RETREG1: variants seen among roughly 807,000 people sequenced by gnomAD.
RETREG1 encodes the protein reticulophagy regulator 1, also known as family with sequence similarity 134 member B.
Under a neutral mutation model 54.8 loss-of-function variants are expected in RETREG1, and 44 were observed. That is an observed-to-expected ratio of 0.80 (90% confidence interval 0.63 to 1.03). The LOEUF (loss-of-function observed/expected upper bound fraction) is 1.03, where lower values mean the gene tolerates loss of function less well. Ranked by LOEUF, RETREG1 falls within the 50% of genes least tolerant of loss-of-function variation. The pLI, the probability that RETREG1 is intolerant of heterozygous loss-of-function variation, is 0.00. For synonymous variants in RETREG1, 217 were observed against 238.5 expected (o/e 0.91, Z 0.83); for missense variants, 554 against 605.1 (o/e 0.92, Z 0.89).
intron 3 of RETREG1, among the ~76,000 whole-genome samples, chr5:16,520,973 GAAA>G (rs1740517308): frequency 6.6e-6 from 1 of 152,108 alleles, no homozygotes; most frequent in African/African-American, 2.4e-5. Flanking sequence ...ATAACTGCAG[GAAA>G]CAGGGCAGGG....
intron 3 of RETREG1, among the ~76,000 whole-genome samples, chr5:16,545,324 T>A (rs1741355723): frequency 6.6e-6 from 1 of 152,156 alleles, no homozygotes; most frequent in African/African-American, 2.4e-5. Context: ...AGATATGCAC[T>A]GTTTGATATG....
rs183068784 is a variant in RETREG1, at chr5:16,614,126, C to T, written c.320+2526G>A. Reference sequence around the variant, plus strand: ...AGGCTGAATGGCTGGCCAATGTTTTCCTCTCCGTCAGTATAAATAAAATGG... The same window carrying T: ...AGGCTGAATGGCTGGCCAATGTTTTTCTCTCCGTCAGTATAAATAAAATGG... On this transcript the variant is annotated intron_variant, in intron 1 of 8. Transcript: ENST00000306320. Among the ~76,000 whole-genome samples the T allele has an allele frequency of 4.5e-3, 692 of 152,284 alleles. 3 individuals are homozygous for T. Among genetic ancestry groups the T allele is most frequent in the African/African-American group, 0.016 (666 of 41,554 alleles).
intron 1 of RETREG1, among the ~76,000 whole-genome samples, chr5:16,582,260 A>G (rs745908631): frequency 7.9e-5 from 12 of 152,230 alleles, no homozygotes; most frequent in Non-Finnish European, 1.8e-4. Context: ...CTATTTCTAT[A>G]TAGTAATGTG....
At position 16,477,707 on chromosome 5, in the gene RETREG1, A is replaced by C; in HGVS notation, c.955T>G (p.Phe319Val). 2 of 1,613,266 alleles carry C rather than the reference A, an allele frequency of 1.2e-6. No individual in the cohort carries two copies. The highest frequency in any genetic ancestry group is 1.7e-6 in the Non-Finnish European group (2 of 1,179,408). Residue 319 changes from phenylalanine to valine, a missense_variant, in exon 8 of 9, where the codon TTC becomes GTC. Phe to Val is a conservative substitution (Grantham distance 50, BLOSUM62 -1). Transcript: ENST00000306320. ...GGAGTGTATCCTTCTGAAAGGTTGA[A>C]GGTCCCATTATCAGTCCAGGATACC... is the stretch of plus-strand genomic sequence containing the variant. The part of the protein sequence containing the change: ...SEVSWTDNGT[F>V]NLSEGYTPQT...
intron 3 of RETREG1, among the ~76,000 whole-genome samples, chr5:16,556,632 A>G (rs1991472): frequency 0.82 from 124,893 of 152,030 alleles, 51,300 homozygotes; most frequent in Middle Eastern, 0.87. Context: ...TGAGTATTAC[A>G]TCATTGATAA....
At chr5:16,513,062 G>A (rs1409348004) in intron 3 of RETREG1, among the ~76,000 whole-genome samples, 1 of 152,160 alleles carries the variant, frequency 6.6e-6, no homozygotes, top group African/African-American at 2.4e-5. Flanking sequence ...GTATATTTGA[G>A]CACTTTGTTT....
chr5:16,531,344 T>C lies in RETREG1; in HGVS notation c.458+34419A>G, dbSNP rs538335677. Among the ~76,000 whole-genome samples, 4 of 152,322 alleles carry C rather than the reference T, an allele frequency of 2.6e-5. 1 individual carries two copies. The South Asian group carries it at 8.3e-4, about 32-fold the overall frequency. On this transcript the variant is annotated intron_variant, in intron 3 of 8. Coordinates refer to ENST00000306320, the MANE Select transcript of RETREG1 (RefSeq NM_001034850.3). ...TCACAGCACAGTTCTAGACTCATCA[T>C]AGATGCTTATTAATGACATAGTTTG...
At chr5:16,552,175 G>A (rs1002006858) in intron 3 of RETREG1, among the ~76,000 whole-genome samples, 7 of 152,188 alleles carry the variant, frequency 4.6e-5, no homozygotes, top group Non-Finnish European at 7.3e-5. Context: ...TGTGGAAGAC[G>A]TTCTTTAGCA....
intron 4 of RETREG1, 24 bp from the exon 5 acceptor site, chr5:16,481,117 G>GGA: frequency 6.6e-7 from 1 of 1,524,470 alleles, no homozygotes; most frequent in Non-Finnish European, 9.1e-7. Flanking sequence ...AAATAACATG[G>GGA]GATAGTTAAG....
intron 4 of RETREG1, among the ~76,000 whole-genome samples, chr5:16,482,776 A>G (rs1738837591): frequency 1.3e-5 from 2 of 152,146 alleles, no homozygotes; most frequent in Admixed American, 6.6e-5. Context: ...AAGTATGTGC[A>G]GCACTCCATG....
intron 3 of RETREG1, among the ~76,000 whole-genome samples, chr5:16,505,915 C>T (rs139852182): frequency 3.9e-5 from 6 of 152,338 alleles, no homozygotes; most frequent in African/African-American, 1.4e-4. Context: ...GGCATTCAGG[C>T]TCACCCTCTC....
At chr5:16,604,963 T>C (rs1367434252) in intron 1 of RETREG1, among the ~76,000 whole-genome samples, 2 of 152,200 alleles carry the variant, frequency 1.3e-5, no homozygotes, top group South Asian at 2.1e-4. Flanking sequence ...TAAACTAATA[T>C]AGTATAGGGG....
intron 5 of RETREG1, among the ~76,000 whole-genome samples, chr5:16,479,973 G>T (rs1356111197): frequency 6.6e-6 from 1 of 151,900 alleles, no homozygotes; most frequent in Non-Finnish European, 1.5e-5. Flanking sequence ...TTTTTGGGTG[G>T]TCATTGATGT....
rs143840560 is a variant in RETREG1, at chr5:16,603,718, C to G, written c.320+12934G>C. 1.7e-3 allele frequency among the ~76,000 whole-genome samples: 255 copies of G among 151,982 alleles called. 1 individual carries two copies. The highest frequency in any genetic ancestry group is 5.9e-3 in the African/African-American group (246 of 41,430). On this transcript the variant is annotated intron_variant, in intron 1 of 8. Transcript: ENST00000306320. The stretch of plus-strand genomic sequence containing the variant: ...CTCCTTCAGCACAACATGTCGGTAC[C>G]CCAAACTCTAGATTCACCTGGGATC...
chr5:16,616,940 T>C lies in RETREG1; in HGVS notation c.32A>G (p.Glu11Gly), dbSNP rs1290549319. ...GGCGGCAGGAGCCGGGCATCCCTCC[T>C]CGGCGTGCTCCGGAGGCGCCGGGCT... Reference protein sequence around the residue: MASPAPPEHAEEGCPAPAAEE... With the variant: MASPAPPEHAGEGCPAPAAEE... The change falls in exon 1 of 9, where the codon GAG becomes GGG. Residue 11 changes from glutamate (E) to glycine (G), a missense_variant. Glu to Gly is a moderately conservative substitution (Grantham distance 98). Around this residue, in one of 4 missense-constraint regions of RETREG1, gnomAD observed 175 missense variants for 142.1 expected, o/e 1.23. Coordinates refer to ENST00000306320, the MANE Select transcript of RETREG1 (RefSeq NM_001034850.3). 15 of 1,460,982 alleles carry C rather than the reference T, an allele frequency of 1.0e-5. No homozygotes were observed. The highest frequency in any genetic ancestry group is 2.4e-4 in the Middle Eastern group (1 of 4,208). The allele number at this position is 1,460,982 out of a possible 1,614,324, so 90.5% of individuals were successfully genotyped here. A position where few individuals can be genotyped will look rare whatever the true frequency, so the allele number is the denominator to read the frequency against.
At chr5:16,563,972 C>T (rs971996962) in intron 3 of RETREG1, among the ~76,000 whole-genome samples, 1 of 152,148 alleles carries the variant, frequency 6.6e-6, no homozygotes, top group African/African-American at 2.4e-5. Flanking sequence ...TTTCCAATTA[C>T]ACAAATTATT....
At chr5:16,605,872 C>T (rs1743174482) in intron 1 of RETREG1, among the ~76,000 whole-genome samples, 1 of 152,132 alleles carries the variant, frequency 6.6e-6, no homozygotes. Flanking sequence ...CCCTTCATGA[C>T]CTAATAGCCT....
chr5:16,518,862 C>T (rs746722243), intron 3 of RETREG1, among the ~76,000 whole-genome samples: 3 of 152,220 alleles, frequency 2.0e-5, no homozygotes, highest in Non-Finnish European at 2.9e-5. Context: ...CCCATCTTCA[C>T]CCTTCCATAG....
chr5:16,592,522 C>T (rs1258170974), intron 1 of RETREG1, among the ~76,000 whole-genome samples: 1 of 119,482 alleles, frequency 8.4e-6, no homozygotes, highest in East Asian at 2.3e-4. Flanking sequence ...TACAGTACTA[C>T]CATTAACCCA....
Sources: gnomAD v4.1 joint callset for allele counts (sites outside exome capture counted in the v4.1 genomes callset) on GRCh38, gnomAD v4.1.1 for gene constraint, gnomAD v4.1.1 regional missense constraint, MANE v1.5 for transcripts, NCBI Gene and HGNC (gene_info 2026-07-23, HGNC 2026-07-21) for gene names.